Variants in SHISA9 observed in about 807,000 individuals in gnomAD.
SHISA9 encodes the protein protein shisa-9.
Under a neutral mutation model 38.0 loss-of-function variants are expected in SHISA9, and 13 were observed. That is an observed-to-expected ratio of 0.34 (90% CI 0.22 to 0.54). The LOEUF (loss-of-function observed/expected upper bound fraction) is 0.54. SHISA9 is among the 20% of genes least tolerant of loss of function. SHISA9 has a pLI of 0.91. For missense variants in SHISA9, 538 were observed against 575.8 expected, an observed-to-expected ratio of 0.93 and a Z score of 0.67; for synonymous variants, 275 against 242.0, an observed-to-expected ratio of 1.14 and a Z score of -1.27.
At chr16:12,950,531 A>G (rs922509197) in intron 2 of SHISA9, among the ~76,000 whole-genome samples, 15 of 152,168 alleles carry the variant, frequency 9.9e-5, no homozygotes, top group African/African-American at 3.6e-4. Flanking sequence ...GTTAGTGGTA[A>G]TGTAAATTAG....
At chr16:13,545,438 A>G in the SHISA9 span, among the ~76,000 whole-genome samples, 4 of 152,198 alleles carry the variant, frequency 2.6e-5, no homozygotes, top group Non-Finnish European at 5.9e-5. Flanking sequence ...CCAGTGAGCT[A>G]AAACAAGTGG....
At chr16:13,532,687 C>T in the SHISA9 span, among the ~76,000 whole-genome samples, 22 of 152,092 alleles carry the variant, frequency 1.4e-4, no homozygotes, top group African/African-American at 4.1e-4. Flanking sequence ...TGGCTGCCTT[C>T]TGACAATTTC....
intron 2 of SHISA9, among the ~76,000 whole-genome samples, chr16:13,113,324 C>A (rs1195772314): frequency 6.6e-6 from 1 of 152,028 alleles, no homozygotes; most frequent in Non-Finnish European, 1.5e-5. Flanking sequence ...ATGGCTCCCT[C>A]AAGGGGCCAG....
At chr16:13,397,026 C>T in the SHISA9 span, among the ~76,000 whole-genome samples, 4 of 151,704 alleles carry the variant, frequency 2.6e-5, no homozygotes, top group African/African-American at 9.8e-5. Flanking sequence ...ACAATGAGGA[C>T]GAAGACCTTT....
chr16:13,271,322 A>G, the SHISA9 span, among the ~76,000 whole-genome samples: 10 of 152,310 alleles, frequency 6.6e-5, no homozygotes, highest in Non-Finnish European at 1.5e-4. Flanking sequence ...TTGGAAACAA[A>G]TAAGTGTCCT....
At chr16:13,217,705 A>C (rs921575181) in intron 4 of SHISA9, among the ~76,000 whole-genome samples, 1 of 152,186 alleles carries the variant, frequency 6.6e-6, no homozygotes, top group Non-Finnish European at 1.5e-5. Context: ...GATAGCTCTT[A>C]GTCATCCTGA....
the SHISA9 span, among the ~76,000 whole-genome samples, chr16:13,465,822 G>A: frequency 1.3e-5 from 2 of 152,222 alleles, no homozygotes; most frequent in African/African-American, 4.8e-5. Flanking sequence ...TATGGCCAAT[G>A]GGTCAAATGT....
intron 1 of SHISA9, among the ~76,000 whole-genome samples, chr16:12,915,087 G>T (rs544241990): frequency 6.6e-6 from 1 of 152,186 alleles, no homozygotes; most frequent in East Asian, 1.9e-4. Context: ...GGGCATGGGG[G>T]TATATCCCCA....
chr16:13,268,137 A>C, the SHISA9 span, among the ~76,000 whole-genome samples: 88 of 151,856 alleles, frequency 5.8e-4, no homozygotes, highest in African/African-American at 2.0e-3. Context: ...TGATCAAATC[A>C]ATGTTTTTGT....
intron 3 of SHISA9, among the ~76,000 whole-genome samples, chr16:13,208,487 G>A (rs1239565811): frequency 6.9e-6 from 1 of 144,562 alleles, no homozygotes; most frequent in African/African-American, 2.6e-5. Flanking sequence ...TATCACCCAG[G>A]CTGGAGTGCC....
intron 2 of SHISA9, among the ~76,000 whole-genome samples, chr16:13,036,513 G>A (rs1336338686): frequency 6.6e-6 from 1 of 152,090 alleles, no homozygotes; most frequent in African/African-American, 2.4e-5. Flanking sequence ...GAGACTTTCT[G>A]GGGTGATGGA....
chr16:13,446,533 A>T, the SHISA9 span, among the ~76,000 whole-genome samples: 1 of 152,124 alleles, frequency 6.6e-6, no homozygotes, highest in Non-Finnish European at 1.5e-5. Flanking sequence ...CTGCAGTGAG[A>T]CCAATAAGAT....
chr16:13,529,319 C>A, the SHISA9 span, among the ~76,000 whole-genome samples: 119 of 152,310 alleles, frequency 7.8e-4, no homozygotes, highest in Non-Finnish European at 1.3e-3. Context: ...GCATAGCATG[C>A]CACGATGATT....
intron 2 of SHISA9, among the ~76,000 whole-genome samples, chr16:12,997,660 C>T (rs917026255): frequency 6.6e-6 from 1 of 152,114 alleles, no homozygotes; most frequent in African/African-American, 2.4e-5. Flanking sequence ...CCCACCTCAG[C>T]CTCCCAAAGT....
At chr16:13,406,927 G>A in the SHISA9 span, among the ~76,000 whole-genome samples, 2 of 151,952 alleles carry the variant, frequency 1.3e-5, no homozygotes, top group African/African-American at 4.8e-5. Flanking sequence ...AATTAGCTGG[G>A]TGTGGTGGCG....
chr16:13,260,771 A>G, the SHISA9 span, among the ~76,000 whole-genome samples: 1 of 152,152 alleles, frequency 6.6e-6, no homozygotes, highest in Non-Finnish European at 1.5e-5. Context: ...ATTTTTGGGT[A>G]TCTTTTCAGC....
intron 2 of SHISA9, among the ~76,000 whole-genome samples, chr16:13,149,687 G>A (rs920049181): frequency 6.6e-6 from 1 of 152,024 alleles, no homozygotes; most frequent in Admixed American, 6.5e-5. Context: ...CATTTTGGGA[G>A]GCTAAGGCAG....
chr16:13,003,880 T>TAAGAAG lies in SHISA9; in HGVS notation c.691+87067_691+87068insGAAGAA, dbSNP rs200236620. ...CTCAAAATAATAATAATAATAATAATAATAATAATAAGAAGAAGAAGAAGA... is the reference window on the plus strand; with the variant it reads ...CTCAAAATAATAATAATAATAATAATAAGAAGAATAATAATAAGAAGAAGAAGAAGA... On this transcript the variant is annotated intron_variant, in intron 2 of 4. Coordinates refer to ENST00000558583, the MANE Select transcript of SHISA9 (RefSeq NM_001145204.3). Among the ~76,000 whole-genome samples the TAAGAAG allele has an allele frequency of 2.0e-3, 295 of 146,850 alleles. 2 individuals are homozygous for TAAGAAG. The highest frequency in any genetic ancestry group is 0.011 in the Middle Eastern group (3 of 284).
At chr16:13,160,767 T>C (rs942998863) in intron 2 of SHISA9, among the ~76,000 whole-genome samples, 3 of 152,186 alleles carry the variant, frequency 2.0e-5, no homozygotes, top group African/African-American at 7.2e-5. Flanking sequence ...AATGCTTGCA[T>C]AGATGTGTCA....
Sources: allele counts gnomAD v4.1 joint callset (sites outside exome capture counted in the v4.1 genomes callset), GRCh38; gene constraint gnomAD v4.1.1; transcripts MANE v1.5; gene names NCBI Gene and HGNC (gene_info 2026-07-23, HGNC 2026-07-21).